The following KAT6A variants were observed in gnomAD, a reference collection of about 807,000 sequenced individuals.
KAT6A encodes histone acetyltransferase KAT6A.
A neutral mutation model predicts 198.4 loss-of-function variants in KAT6A; 9 were observed. That is an observed-to-expected ratio of 0.05 (90% confidence interval 0.03 to 0.08). KAT6A has a LOEUF of 0.08. KAT6A is among the 10% of genes least tolerant of loss of function. The probability of loss-of-function intolerance (pLI) is 1.00; values close to 1 mark genes in which losing one functional copy is unlikely to be tolerated. For missense variants in KAT6A, 2,077 were observed against 2,509.9 expected (o/e 0.83, Z 3.69); for synonymous variants, 890 against 883.0 (o/e 1.01, Z -0.14).
chr8:41,972,317 T>A (rs1587764302), intron 8 of KAT6A, among the ~76,000 whole-genome samples: 5 of 152,296 alleles, frequency 3.3e-5, no homozygotes, highest in South Asian at 2.1e-4. Flanking sequence ...GCAAAAATCA[T>A]CTCTGGATGC....
intron 8 of KAT6A, 92 bp downstream of exon 8, chr8:41,974,612 G>A (rs1185025687): frequency 1.4e-6 from 1 of 729,994 alleles, no homozygotes; most frequent in African/African-American, 1.8e-5. Flanking sequence ...TAGGCAAACT[G>A]CTGTTACTGC....
At chr8:42,019,337 A>C (rs963509465) in intron 2 of KAT6A, among the ~76,000 whole-genome samples, 1 of 152,106 alleles carries the variant, frequency 6.6e-6, no homozygotes, top group African/African-American at 2.4e-5. Context: ...CCTTCAGTAC[A>C]TTAGTATATT....
intron 2 of KAT6A, among the ~76,000 whole-genome samples, chr8:42,010,616 A>G (rs1449366377): frequency 6.6e-6 from 1 of 152,142 alleles, no homozygotes; most frequent in African/African-American, 2.4e-5. Flanking sequence ...AAGTCTGATT[A>G]TCACCTCCCC....
chr8:41,941,144 A>G lies in KAT6A; in HGVS notation c.2737T>C (p.Tyr913His), dbSNP rs1465931578. ...GEKSEATQEQ[Y>H]TESEEQLVAS... ...ACCAGCTGTTCTTCACTTTCAGTGT[A>G]TTGTTCCTGGGTGGCTTCTGATTTC... The change falls in exon 15 of 17, where the codon TAC becomes CAC. Residue 913 changes from tyrosine to histidine, a missense_variant. Tyr to His is a moderately conservative substitution (Grantham distance 83). This residue lies in a region of KAT6A where 301 missense variants were observed against 272.2 expected (regional missense o/e 1.11). Transcript: ENST00000265713. 1.2e-6 allele frequency: 2 copies of G among 1,614,066 alleles called. No individual in the cohort carries two copies. The highest frequency in any genetic ancestry group is 1.7e-6 in the Non-Finnish European group (2 of 1,180,000).
chr8:42,046,571 A>C (rs1399597522), intron 2 of KAT6A, among the ~76,000 whole-genome samples: 2 of 152,172 alleles, frequency 1.3e-5, no homozygotes, highest in Admixed American at 6.5e-5. Flanking sequence ...CCTAACAGGA[A>C]CTTATAACAT....
chr8:42,026,244 G>A (rs1475266397), intron 2 of KAT6A, among the ~76,000 whole-genome samples: 1 of 152,054 alleles, frequency 6.6e-6, no homozygotes, highest in Non-Finnish European at 1.5e-5. Flanking sequence ...GGATTGCTTT[G>A]GCTACTCAGG....
chr8:42,035,511 A>C (rs1254738570), intron 2 of KAT6A, among the ~76,000 whole-genome samples: 1 of 152,236 alleles, frequency 6.6e-6, no homozygotes, highest in African/African-American at 2.4e-5. Context: ...AAATGAGTGA[A>C]GAACAGAACC....
chr8:42,024,000 G>A (rs1215661901), intron 2 of KAT6A, among the ~76,000 whole-genome samples: 1 of 152,100 alleles, frequency 6.6e-6, no homozygotes, highest in South Asian at 2.1e-4. Flanking sequence ...GTCATCTCCT[G>A]TGGTAACAAT....
intron 9 of KAT6A, among the ~76,000 whole-genome samples, chr8:41,950,640 GCTTTTTAAAGTAT>G (rs1475227549): frequency 1.1e-3 from 166 of 152,262 alleles, no homozygotes; most frequent in African/African-American, 2.1e-3. Flanking sequence ...AAAATTTTGT[GCTTTTTAAAGTAT>G]TTTTGTAAAA....
intron 2 of KAT6A, among the ~76,000 whole-genome samples, chr8:41,990,994 C>CAAAA (rs61543371): frequency 6.2e-5 from 5 of 80,734 alleles, no homozygotes; most frequent in Middle Eastern, 6.5e-3. Flanking sequence ...GACTCCGTCT[C>CAAAA]AAAAAAAAAA....
At chr8:41,961,890 T>C (rs1266969624) in intron 8 of KAT6A, among the ~76,000 whole-genome samples, 1 of 152,038 alleles carries the variant, frequency 6.6e-6, no homozygotes, top group Non-Finnish European at 1.5e-5. Flanking sequence ...TCTCCTTCCA[T>C]TCTTTCTTGA....
intron 2 of KAT6A, among the ~76,000 whole-genome samples, chr8:42,032,997 A>C (rs1001260651): frequency 1.4e-5 from 2 of 147,412 alleles, no homozygotes; most frequent in African/African-American, 5.1e-5. Flanking sequence ...CTTCTGCCTC[A>C]GCCTCCAAGT....
At chr8:41,946,539 C>G in intron 12 of KAT6A, 52 bp downstream of exon 12, 2 of 876,866 alleles carry the variant, frequency 2.3e-6, no homozygotes, top group Non-Finnish European at 1.9e-6. Context: ...CACACACACA[C>G]ACAGAGAAGG....
chr8:42,005,819 C>G (rs1323434400), intron 2 of KAT6A, among the ~76,000 whole-genome samples: 3 of 151,768 alleles, frequency 2.0e-5, no homozygotes, highest in African/African-American at 7.3e-5. Context: ...TTCTCCCCAT[C>G]CATCCATCCA....
At chr8:42,000,478 G>C (rs1037544040) in intron 2 of KAT6A, among the ~76,000 whole-genome samples, 6 of 149,700 alleles carry the variant, frequency 4.0e-5, no homozygotes, top group African/African-American at 1.5e-4. Flanking sequence ...TTGAACCCAG[G>C]AAGCAGAGGT....
chr8:42,036,370 G>T lies in KAT6A; in HGVS notation c.600+12008C>A, dbSNP rs190660628. ...TCATGCCTGTAATCCCAGCACTTTG[G>T]GAGGCCAAGGTGGGCAGATCACCTG... On this transcript the variant is annotated intron_variant, in intron 2 of 16. Transcript: ENST00000265713. Among the ~76,000 whole-genome samples the T allele has an allele frequency of 2.0e-5, 3 of 152,202 alleles. No individual in the cohort carries two copies. The East Asian group carries it at 5.8e-4, about 29-fold the overall frequency.
chr8:42,001,138 TACTG>T (rs1825477086), intron 2 of KAT6A, among the ~76,000 whole-genome samples: 2 of 152,180 alleles, frequency 1.3e-5, no homozygotes, highest in Admixed American at 1.3e-4. Flanking sequence ...TTAAAACAAA[TACTG>T]ACCAGAGGTT....
At chr8:41,981,322 A>T (rs7812936) in intron 4 of KAT6A, among the ~76,000 whole-genome samples, 86,256 of 152,048 alleles carry the variant, frequency 0.57, 24,946 homozygotes, top group African/African-American at 0.66. Flanking sequence ...CTTCTCAAAA[A>T]AAATAAATAA....
chr8:42,044,001 T>A (rs1433446321), intron 2 of KAT6A, among the ~76,000 whole-genome samples: 2 of 152,112 alleles, frequency 1.3e-5, no homozygotes, highest in Non-Finnish European at 2.9e-5. Flanking sequence ...AAATAACGCC[T>A]GGCACATAGT....
Sources: gnomAD v4.1 joint callset for allele counts (sites outside exome capture counted in the v4.1 genomes callset) on GRCh38, gnomAD v4.1.1 for gene constraint, gnomAD v4.1.1 regional missense constraint, MANE v1.5 for transcripts, NCBI Gene and HGNC (gene_info 2026-07-23, HGNC 2026-07-21) for gene names.